Variants in GSTA3 observed in about 807,000 individuals in gnomAD.
GSTA3 encodes glutathione S-transferase A3.
A neutral mutation model predicts 23.1 loss-of-function variants in GSTA3; 16 were observed. The observed-to-expected ratio is 0.69, with a 90% CI of 0.47 to 1.05. The LOEUF (loss-of-function observed/expected upper bound fraction) is 1.05, where lower values mean the gene tolerates loss of function less well. Ranked by LOEUF, GSTA3 falls within the 50% of genes least tolerant of loss-of-function variation. The pLI, the probability that GSTA3 is intolerant of heterozygous loss-of-function variation, is 0.00. For missense variants in GSTA3, 319 were observed against 263.6 expected, an observed-to-expected ratio of 1.21 and a Z score of -1.46; for synonymous variants, 122 against 91.0, an observed-to-expected ratio of 1.34 and a Z score of -1.94.
intron 3 of GSTA3, 87 bp from the exon 4 acceptor site, chr6:52,902,565 G>GTTAT: frequency 7.5e-7 from 1 of 1,327,864 alleles, no homozygotes; most frequent in South Asian, 1.4e-5. Flanking sequence ...AATGACTGAG[G>GTTAT]TTATAAAATG....
chr6:52,909,448 A>G (rs1480484151), intron 1 of GSTA3, among the ~76,000 whole-genome samples, 193 bp downstream of exon 1: 1 of 152,194 alleles, frequency 6.6e-6, no homozygotes, highest in Non-Finnish European at 1.5e-5. Flanking sequence ...CTTGTTTTCT[A>G]AATTGTTGAA....
At chr6:52,899,661 A>G (rs941302956) in intron 5 of GSTA3, among the ~76,000 whole-genome samples, 1 of 152,198 alleles carries the variant, frequency 6.6e-6, no homozygotes, top group Non-Finnish European at 1.5e-5. Context: ...TCCACAGCCC[A>G]TGTTCTACTT....
intron 3 of GSTA3, 82 bp downstream of exon 3, chr6:52,903,594 C>CA (rs377246029): frequency 0.13 from 80,884 of 616,846 alleles, 3,941 homozygotes; most frequent in African/African-American, 0.35. Context: ...GAGACTCCGT[C>CA]AAAAAAAAAA....
At chr6:52,906,832 A>C (rs1035852102) in intron 1 of GSTA3, among the ~76,000 whole-genome samples, 1 of 151,366 alleles carries the variant, frequency 6.6e-6, no homozygotes, top group Non-Finnish European at 1.5e-5. Context: ...TTAAAGACTT[A>C]AACGTTAGAC....
rs1425806197 is a variant in GSTA3 at position 52,902,469 on chromosome 6, A to AAAC, written c.146_148dup (p.Ser49_Leu50insCys). The AAAC allele has an allele frequency of 6.2e-7, 1 of 1,609,566 alleles. No homozygotes were observed. The stretch of plus-strand genomic sequence containing the variant: ...AACCATTGGTACTTGCTGGAACATC[A>AAAC]AACTCCCATCTTTAGAAAGAAGGAA... On this transcript the variant is annotated inframe_insertion, in exon 4 of 7. Coordinates refer to ENST00000211122, the MANE Select transcript of GSTA3 (RefSeq NM_000847.5).
At chr6:52,906,233 G>C (rs910630932) in intron 1 of GSTA3, among the ~76,000 whole-genome samples, 7 of 152,144 alleles carry the variant, frequency 4.6e-5, no homozygotes, top group Non-Finnish European at 1.0e-4. Context: ...TGAGCTAGAA[G>C]GGATCTAGCT....
intron 2 of GSTA3, 86 bp from the exon 3 acceptor site, chr6:52,903,813 C>T: frequency 1.3e-6 from 1 of 763,764 alleles, no homozygotes; most frequent in Non-Finnish European, 2.3e-6. Flanking sequence ...CCATCTGGTA[C>T]ATAATTTGGA....
At chr6:52,909,575 A>T (rs1766000538) in intron 1 of GSTA3, 66 bp downstream of exon 1, 1 of 152,228 alleles carries the variant, frequency 6.6e-6, no homozygotes, top group South Asian at 2.1e-4. Flanking sequence ...TAACACATTT[A>T]AATTTGTTTT....
At chr6:52,900,264 C>CTTTTTTTTTT (rs368457261) in intron 4 of GSTA3, among the ~76,000 whole-genome samples, 189 bp from the exon 5 acceptor site, 1 of 133,456 alleles carries the variant, frequency 7.5e-6, no homozygotes, top group Admixed American at 7.5e-5. Context: ...CTTTCTTTTT[C>CTTTTTTTTTT]TTTTTTTTTT....
chr6:52,905,750 C>T lies in GSTA3; in HGVS notation c.85G>A (p.Glu29Lys). 1.3e-6 allele frequency: 2 copies of T among 1,579,818 alleles called. No homozygotes were observed. The highest frequency in any genetic ancestry group is 2.2e-5 in the East Asian group (1 of 44,488). ...IRWLLAAAGV[E>K]FEEKFIGSAE... is the part of the protein sequence containing the mutation. ...AGATGACCTAACTTAGAACATACCTCCACTCCAGCTGCAGCCAAGAGCCAC... is the reference window on the plus strand; with the variant it reads ...AGATGACCTAACTTAGAACATACCTTCACTCCAGCTGCAGCCAAGAGCCAC... Residue 29 changes from glutamate to lysine, a missense_variant and splice_region_variant, in exon 2 of 7, where the codon GAG (glutamate) becomes AAG (lysine). Transcript: ENST00000211122.
intron 3 of GSTA3, 152 bp downstream of exon 3, chr6:52,903,524 G>T: frequency 4.8e-6 from 2 of 415,108 alleles, no homozygotes; most frequent in Non-Finnish European, 8.7e-6. Context: ...ATGAACCTGG[G>T]AGGCGGAGCT....
In GSTA3 at chr6:52,905,753, C is replaced by A. The variant is rs367965615; in HGVS notation, c.82G>T (p.Val28Leu). ...PIRWLLAAAG[V>L]EFEEKFIGSA... The stretch of plus-strand genomic sequence containing the variant: ...TGACCTAACTTAGAACATACCTCCA[C>A]TCCAGCTGCAGCCAAGAGCCACCGG... Residue 28 changes from valine to leucine, a missense_variant, in exon 2 of 7, where the codon GTG (valine) becomes TTG (leucine). Val to Leu is a conservative substitution (Grantham distance 32, BLOSUM62 1). Coordinates refer to ENST00000211122, the MANE Select transcript of GSTA3 (RefSeq NM_000847.5). The A allele has an allele frequency of 4.4e-6, 7 of 1,591,340 alleles. No individual in the cohort carries two copies. The East Asian group carries it at 1.3e-4, about 31-fold the overall frequency.
chr6:52,904,046 G>GT (rs45599432), intron 2 of GSTA3, among the ~76,000 whole-genome samples: 6,096 of 152,120 alleles, frequency 0.04, 364 homozygotes, highest in African/African-American at 0.14. Context: ...AAGTACAGTG[G>GT]TATGATCATG....
At chr6:52,897,334 A>G (rs1292320843) in intron 6 of GSTA3, among the ~76,000 whole-genome samples, 6 of 152,246 alleles carry the variant, frequency 3.9e-5, no homozygotes, top group African/African-American at 1.4e-4. Context: ...CCATGGGACC[A>G]CGTTTTCTCA....
rs1360201883 is a variant in GSTA3, at chr6:52,909,695, G to T, written c.-76C>A. On this transcript the variant is annotated 5_prime_UTR_variant, in exon 1 of 7. Coordinates refer to ENST00000211122, the MANE Select transcript of GSTA3 (RefSeq NM_000847.5). ...GCTTCTCAAGGCCACCTCCTGATGT[G>T]TATGTTAGCTGTTTTAATACTATGA... 1.3e-5 allele frequency: 2 copies of T among 152,210 alleles called. No individual in the cohort carries two copies. Among genetic ancestry groups the T allele is most frequent in the Non-Finnish European group, 2.9e-5 (2 of 68,044 alleles). The allele number at this position is 152,210 out of a possible 1,614,324, so 9.4% of individuals were successfully genotyped here. A position where few individuals can be genotyped will look rare whatever the true frequency, so the allele number is the denominator to read the frequency against.
chr6:52,897,675 T>C, intron 6 of GSTA3, 150 bp downstream of exon 6: 3 of 775,450 alleles, frequency 3.9e-6, no homozygotes, highest in Non-Finnish European at 6.5e-6. Context: ...TGCCTCAAAA[T>C]TGGGGTCTGG....
At chr6:52,898,897 C>T (rs2127354591) in intron 5 of GSTA3, among the ~76,000 whole-genome samples, 1 of 152,272 alleles carries the variant, frequency 6.6e-6, no homozygotes, top group African/African-American at 2.4e-5. Flanking sequence ...CCCCTATTGG[C>T]TAGGGTTAGA....
At chr6:52,903,550 T>A in intron 3 of GSTA3, 126 bp downstream of exon 3, 1 of 503,026 alleles carries the variant, frequency 2.0e-6, no homozygotes, top group South Asian at 2.5e-5. Flanking sequence ...TAAGCCGAGA[T>A]CATGCCACTG....
At chr6:52,909,309 A>C (rs1182572382) in intron 1 of GSTA3, among the ~76,000 whole-genome samples, 1 of 152,240 alleles carries the variant, frequency 6.6e-6, no homozygotes. Context: ...TCACACGAAT[A>C]CATGTTTTTA....
Sources: gnomAD v4.1 joint callset for allele counts (sites outside exome capture counted in the v4.1 genomes callset) on GRCh38, gnomAD v4.1.1 for gene constraint, MANE v1.5 for transcripts, NCBI Gene and HGNC (gene_info 2026-07-23, HGNC 2026-07-21) for gene names.